CDHR2: variants seen among roughly 807,000 people sequenced by gnomAD.
The protein encoded by CDHR2 is cadherin-related family member 2.
Under a neutral mutation model 138.6 loss-of-function variants are expected in CDHR2, and 104 were observed. The observed-to-expected ratio is 0.75, with a 90% CI of 0.64 to 0.88. The LOEUF (loss-of-function observed/expected upper bound fraction) is 0.88, where lower values mean the gene tolerates loss of function less well. CDHR2 is among the 40% of genes least tolerant of loss of function. The pLI, the probability that CDHR2 is intolerant of heterozygous loss-of-function variation, is 0.00. For synonymous variants in CDHR2, 755 were observed against 742.8 expected (o/e 1.02, Z -0.27); for missense variants, 1,624 against 1,727.6 (o/e 0.94, Z 1.06).
rs1364581971 is a variant in CDHR2 at position 176,543,168 on chromosome 5, G to A, written c.-16+399G>A. 6.7e-6 allele frequency among the ~76,000 whole-genome samples: 1 copy of A among 150,276 alleles called. No homozygotes were observed. Among genetic ancestry groups the A allele is most frequent in the Admixed American group, 6.6e-5 (1 of 15,094 alleles). On this transcript the variant is annotated intron_variant, in intron 1 of 31. Transcript: ENST00000510636. This position sits in a 1 kb window ranked among gnomAD's most constrained non-coding sequence, Gnocchi z 4.0. ...GGCCTGGCGGGAAGACCCCGCGTGC[G>A]TTCCTCCGCCGGCCCGCGGCCGCCC...
At chr5:176,546,525 A>G (rs983102455), upstream of CDHR2, among the ~76,000 whole-genome samples, 4 of 152,110 alleles carry the variant, frequency 2.6e-5, no homozygotes, top group Non-Finnish European at 5.9e-5. Context: ...TGCAACTTAC[A>G]GATAAGGAAA....
At chr5:176,558,701 T>A (rs1261578798) in intron 1 of CDHR2, among the ~76,000 whole-genome samples, 1 of 149,470 alleles carries the variant, frequency 6.7e-6, no homozygotes, top group Non-Finnish European at 1.5e-5. Context: ...TTGTATTTTT[T>A]AATGGAGATA....
rs1172268772 is a variant in CDHR2 at position 176,595,602 on chromosome 5, A to G, written c.3863A>G (p.Gln1288Arg). The change falls in exon 32 of 32, where the codon CAG becomes CGG. Residue 1288 changes from glutamine (Q) to arginine (R), a missense_variant. Gln to Arg is a conservative substitution (Grantham distance 43). This residue lies in a region of CDHR2 where 556 missense variants were observed against 565.7 expected (regional missense o/e 0.98). Transcript: ENST00000261944. ...EPLSVVLLGR[Q>R]AGASGQLEGP... ...CTGAGCGTGGTCCTGTTAGGACGGC[A>G]GGCAGGCGCAAGTGGACAGCTGGAG... The G allele has an allele frequency of 2.5e-6, 4 of 1,612,892 alleles. No homozygotes were observed. The African/African-American group carries it at 5.3e-5, about 22-fold the overall frequency.
rs761379212 is a variant in CDHR2, at chr5:176,577,628, T to C, written c.1351-9T>C. 2.5e-6 allele frequency: 4 copies of C among 1,614,174 alleles called. No homozygotes were observed. Among genetic ancestry groups the C allele is most frequent in the Non-Finnish European group, 2.5e-6 (3 of 1,180,014 alleles). On this transcript the variant is annotated splice_polypyrimidine_tract_variant and intron_variant, in intron 13 of 31. Transcript: ENST00000261944. The stretch of plus-strand genomic sequence containing the variant: ...GCCCCACAGCTGCTGCCTCCTCCCC[T>C]GCCCCCAGGTTGTGGCCACAGACTC...
intron 17 of CDHR2, among the ~76,000 whole-genome samples, chr5:176,582,464 G>A (rs1385761825): frequency 6.6e-6 from 1 of 152,168 alleles, no homozygotes; most frequent in African/African-American, 2.4e-5. Context: ...CACTGAGCCC[G>A]GTTTATTACC....
chr5:176,573,487 T>A (rs34893259), intron 6 of CDHR2, among the ~76,000 whole-genome samples: 39,546 of 150,046 alleles, frequency 0.26, 5,450 homozygotes, highest in East Asian at 0.47. Flanking sequence ...TAAAAATATA[T>A]ATAAAAAAAA....
chr5:176,561,096 C>G (rs78711494), intron 1 of CDHR2, among the ~76,000 whole-genome samples: 4 of 152,254 alleles, frequency 2.6e-5, no homozygotes, highest in East Asian at 1.9e-4. Context: ...AGAGACAGAC[C>G]GTCCTTTTCC....
chr5:176,569,435 C>T (rs10057960), intron 5 of CDHR2, among the ~76,000 whole-genome samples: 36,785 of 151,486 alleles, frequency 0.24, 4,719 homozygotes, highest in East Asian at 0.47. Context: ...AGGCGCCAGC[C>T]ACCACGCCCG....
At chr5:176,579,809 A>G (rs1758483286) in intron 16 of CDHR2, among the ~76,000 whole-genome samples, 1 of 152,180 alleles carries the variant, frequency 6.6e-6, no homozygotes, top group South Asian at 2.1e-4. Flanking sequence ...GCACTTACCC[A>G]GTCTTTGGCT....
At chr5:176,584,128 C>T (rs189231088) in intron 17 of CDHR2, 62 bp from the exon 18 acceptor site, 69 of 1,402,652 alleles carry the variant, frequency 4.9e-5, no homozygotes, top group Non-Finnish European at 6.5e-5. Context: ...ATTGGTTTCT[C>T]GGATTGGCTC....
upstream of CDHR2, chr5:176,549,257 G>A (rs2113245415): frequency 6.6e-6 from 1 of 152,430 alleles, no homozygotes; most frequent in Non-Finnish European, 1.5e-5. Flanking sequence ...ACCCCTCCTG[G>A]GAGGTGTGGT....
intron 6 of CDHR2, among the ~76,000 whole-genome samples, chr5:176,571,816 G>A (rs569355022): frequency 0.01 from 1,528 of 152,226 alleles, 10 homozygotes; most frequent in Non-Finnish European, 0.017. Flanking sequence ...GATTACAGGC[G>A]TGAGCCACTG....
At chr5:176,562,671 AG>A (rs1757991779) in intron 1 of CDHR2, among the ~76,000 whole-genome samples, 1 of 152,114 alleles carries the variant, frequency 6.6e-6, no homozygotes, top group African/African-American at 2.4e-5. Context: ...AGAAAAAGAG[AG>A]GGGACCATGT....
At chr5:176,559,944 G>C (rs1298612021) in intron 1 of CDHR2, among the ~76,000 whole-genome samples, 1 of 152,186 alleles carries the variant, frequency 6.6e-6, no homozygotes. Flanking sequence ...TTAGATAAAG[G>C]GTGGTTGAGG....
intron 1 of CDHR2, among the ~76,000 whole-genome samples, chr5:176,564,380 G>T (rs1321070660): frequency 6.6e-6 from 1 of 152,148 alleles, no homozygotes; most frequent in African/African-American, 2.4e-5. Flanking sequence ...TAGAGACAGG[G>T]TTTCACCATG....
rs759741586 is a variant in CDHR2 at position 176,589,114 on chromosome 5, C to T, written c.2940C>T (p.Thr980=). 6.2e-7 allele frequency: 1 copy of T among 1,614,100 alleles called. No homozygotes were observed. The highest frequency in any genetic ancestry group is 1.1e-5 in the South Asian group (1 of 91,080). Residue 980 remains threonine, a synonymous_variant, in exon 22 of 32, where the codon ACC becomes ACT. Coordinates refer to ENST00000261944, the MANE Select transcript of CDHR2 (RefSeq NM_017675.6). ...RVDFISKDGA[T]IPFQGVFSIF... ...ACTTCATCTCTAAGGACGGGGCCAC[C>T]ATCCCTTTCCAGGGTGTCTTCTCGA...
chr5:176,571,629 T>C lies in CDHR2; in HGVS notation c.405+327T>C, dbSNP rs573591166. On this transcript the variant is annotated intron_variant, in intron 6 of 31. Transcript: ENST00000261944. ...TCGGCTCACTGCAAGCTCCGCCTCC[T>C]GGGTTCACACCATTCTCCTGCCTCA... Among the ~76,000 whole-genome samples the C allele has an allele frequency of 1.9e-4, 29 of 152,192 alleles. No homozygotes were observed. In the East Asian group the frequency reaches 5.4e-3, roughly 29 times the overall value.
chr5:176,571,117 C>A, intron 5 of CDHR2, 96 bp from the exon 6 acceptor site: 5 of 505,984 alleles, frequency 9.9e-6, no homozygotes, highest in African/African-American at 2.1e-5. Flanking sequence ...GTAGGTTGAT[C>A]TGGATGAAGG....
chr5:176,542,538 C>G (rs1300128746), exon 1 of CDHR2: 1 of 152,132 alleles, frequency 6.6e-6, no homozygotes, highest in South Asian at 2.1e-4. Flanking sequence ...TCACATTGTT[C>G]AGTGATGAAA....
Sources: gnomAD v4.1 joint callset for allele counts (sites outside exome capture counted in the v4.1 genomes callset) on GRCh38, gnomAD v4.1.1 for gene constraint, gnomAD v4.1.1 regional missense constraint, Gnocchi (gnomAD v3.1) non-coding constraint, MANE v1.5 for transcripts, NCBI Gene and HGNC (gene_info 2026-07-23, HGNC 2026-07-21) for gene names.